C3orf70: variants seen among roughly 807,000 people sequenced by gnomAD.
C3orf70 encodes the protein UPF0524 protein C3orf70.
A neutral mutation model predicts 20.7 loss-of-function variants in C3orf70; 15 were observed. The observed-to-expected ratio is 0.72, with a 90% CI of 0.48 to 1.11. The LOEUF (loss-of-function observed/expected upper bound fraction) is 1.11. Among genes scored for constraint, C3orf70 ranks in the 50% most tolerant of loss-of-function variants. The pLI is 0.00. For synonymous variants in C3orf70, 161 were observed against 125.7 expected (o/e 1.28, Z -1.88); for missense variants, 332 against 317.6 (o/e 1.05, Z -0.34).
At position 185,140,802 on chromosome 3, in the gene C3orf70, A is replaced by G. The variant is rs954333819; in HGVS notation, c.196+11826T>C. Among the ~76,000 whole-genome samples, 6 of 150,876 alleles carry G rather than the reference A, an allele frequency of 4.0e-5. No homozygotes were observed. In the East Asian group the frequency reaches 7.8e-4, roughly 20 times the overall value. ...CGTCTCTACTAAAAAAAAAAAAAAAAAAGAAAAATACAAAAATTAGCCAGG... is the reference window on the plus strand; with the variant it reads ...CGTCTCTACTAAAAAAAAAAAAAAAGAAGAAAAATACAAAAATTAGCCAGG... On this transcript the variant is annotated intron_variant, in intron 1 of 1. Transcript: ENST00000335012.
At chr3:185,085,567 C>T (rs73885667) in intron 1 of C3orf70, among the ~76,000 whole-genome samples, 3,697 of 152,292 alleles carry the variant, frequency 0.024, 124 homozygotes, top group African/African-American at 0.084. Context: ...GCAAACCCCG[C>T]AGTCTGATAA....
chr3:185,083,562 G>A lies in C3orf70; in HGVS notation c.198C>T (p.Cys66=). 1 of 1,572,258 alleles carries A rather than the reference G, an allele frequency of 6.4e-7. No homozygotes were observed. Among genetic ancestry groups the A allele is most frequent in the Middle Eastern group, 1.7e-4 (1 of 5,860 alleles). The change falls in exon 2 of 2, where the codon TGC becomes TGT. Residue 66 remains cysteine, a splice_region_variant and synonymous_variant. Transcript: ENST00000335012. ...HWCCHLGWCH[C]KYMYQPMTPV... ...GGGTCATAGGCTGATACATGTATTTGCCTGTGAAGACACAAAAAGACACTT... is the reference window on the plus strand; with the variant it reads ...GGGTCATAGGCTGATACATGTATTTACCTGTGAAGACACAAAAAGACACTT...
chr3:185,091,113 G>A (rs1449346978), intron 1 of C3orf70, among the ~76,000 whole-genome samples: 1 of 152,094 alleles, frequency 6.6e-6, no homozygotes, highest in Non-Finnish European at 1.5e-5. Context: ...TTCTATAGGA[G>A]CTTTCAGATA....
intron 1 of C3orf70, among the ~76,000 whole-genome samples, chr3:185,083,829 CTA>C (rs1715405293): frequency 6.6e-6 from 1 of 152,164 alleles, no homozygotes; most frequent in African/African-American, 2.4e-5. Flanking sequence ...TGGATAGACA[CTA>C]TAATCCTTAT....
Position 185,083,302 on chromosome 3 carries a change from T to G in C3orf70, c.458A>C (p.His153Pro), listed in dbSNP as rs955820356. 3.7e-6 allele frequency: 6 copies of G among 1,614,094 alleles called. No homozygotes were observed. In the African/African-American group the frequency reaches 8.0e-5, roughly 22 times the overall value. ...MCYVQKQPAP[H>P]SHRMSPEEVS... ...CTCCTCAGGGCTCATTCTGTGGGAA[T>G]GTGGTGCCGGCTGCTTCTGCACATA... The change falls in exon 2 of 2, where the codon CAT becomes CCT. Residue 153 changes from histidine (H) to proline (P), a missense_variant. Physicochemically the swap from His to Pro is moderately conservative, Grantham distance 77 (BLOSUM62 -2). Transcript: ENST00000335012.
At chr3:185,090,398 G>C (rs1024590761) in intron 1 of C3orf70, among the ~76,000 whole-genome samples, 1 of 152,124 alleles carries the variant, frequency 6.6e-6, no homozygotes, top group Non-Finnish European at 1.5e-5. Flanking sequence ...AGCTCCTTTG[G>C]GGGGAAAATG....
At chr3:185,129,817 C>T (rs1222637891) in intron 1 of C3orf70, among the ~76,000 whole-genome samples, 1 of 152,176 alleles carries the variant, frequency 6.6e-6, no homozygotes, top group Admixed American at 6.5e-5. Context: ...CATGCTTATT[C>T]ATTTTGAATT....
intron 1 of C3orf70, among the ~76,000 whole-genome samples, chr3:185,091,354 CTG>C (rs1715566347): frequency 6.6e-6 from 1 of 152,062 alleles, no homozygotes; most frequent in African/African-American, 2.4e-5. Flanking sequence ...CTGAGGAAGA[CTG>C]AGGCTGGATG....
At chr3:185,094,327 T>C (rs1395066553) in intron 1 of C3orf70, among the ~76,000 whole-genome samples, 2 of 152,180 alleles carry the variant, frequency 1.3e-5, no homozygotes, top group African/African-American at 4.8e-5. Context: ...TCTGCCCACC[T>C]TGTCCTCCCA....
chr3:185,094,998 GAA>G (rs1715672652), intron 1 of C3orf70, among the ~76,000 whole-genome samples: 1 of 152,204 alleles, frequency 6.6e-6, no homozygotes, highest in South Asian at 2.1e-4. Context: ...GTGATGCGGG[GAA>G]AGAGGCATAA....
chr3:185,088,527 AT>A (rs34963623), intron 1 of C3orf70, among the ~76,000 whole-genome samples: 10,164 of 151,882 alleles, frequency 0.067, 481 homozygotes, highest in South Asian at 0.14. Context: ...TAAATCTATG[AT>A]TTTTTTTCAA....
intron 1 of C3orf70, among the ~76,000 whole-genome samples, chr3:185,129,223 C>A (rs1180220256): frequency 6.6e-6 from 1 of 152,126 alleles, no homozygotes; most frequent in Non-Finnish European, 1.5e-5. Flanking sequence ...ATCCTGGCCC[C>A]CCTCCGTCTG....
chr3:185,111,862 G>A (rs1716079290), intron 1 of C3orf70, among the ~76,000 whole-genome samples: 1 of 152,312 alleles, frequency 6.6e-6, no homozygotes, highest in Non-Finnish European at 1.5e-5. Flanking sequence ...CTAATGAAAT[G>A]TAATTATATT....
intron 1 of C3orf70, among the ~76,000 whole-genome samples, chr3:185,116,707 C>G (rs187766656): frequency 6.6e-6 from 1 of 152,238 alleles, no homozygotes; most frequent in Non-Finnish European, 1.5e-5. Context: ...GAAAAATGAC[C>G]TGTTGAAAAG....
rs80332844 is a variant in C3orf70, at chr3:185,122,190, G to A, written c.196+30438C>T. The stretch of plus-strand genomic sequence containing the variant: ...CTAGAGTGACTATATAAATATCAAA[G>A]TAGATGATTCCAGAACCAGTAATAT... On this transcript the variant is annotated intron_variant, in intron 1 of 1. Transcript: ENST00000335012. Among the ~76,000 whole-genome samples, 1,038 of 151,408 alleles carry A rather than the reference G, an allele frequency of 6.9e-3. 12 individuals carry two copies. Among genetic ancestry groups the A allele is most frequent in the African/African-American group, 0.024 (977 of 41,264 alleles).
Position 185,081,101 on chromosome 3 carries a change from C to T in C3orf70, c.*1906G>A, listed in dbSNP as rs1223531434. 3 of 152,058 alleles carry T rather than the reference C, an allele frequency of 2.0e-5. No homozygotes were observed. The highest frequency in any genetic ancestry group is 2.0e-4 in the Admixed American group (3 of 15,272). 9.4% of individuals were successfully genotyped at this position (152,058 alleles called of 1,614,324 possible). A position where few individuals can be genotyped will look rare whatever the true frequency, so the allele number is the denominator to read the frequency against. ...GTTTGTGAATGATGCCAAATGGAGG[C>T]TTCAGGGGAGAACACAACTTTTTCT... is the stretch of plus-strand genomic sequence containing the variant. On this transcript the variant is annotated 3_prime_UTR_variant, in exon 2 of 2. Coordinates refer to ENST00000335012, the MANE Select transcript of C3orf70 (RefSeq NM_001025266.3).
intron 1 of C3orf70, among the ~76,000 whole-genome samples, chr3:185,108,585 C>G: frequency 6.6e-6 from 1 of 152,338 alleles, no homozygotes; most frequent in Admixed American, 6.5e-5. Flanking sequence ...AATGGCCAAT[C>G]GCCTAGTTGC....
chr3:185,130,999 T>C (rs188270030), intron 1 of C3orf70, among the ~76,000 whole-genome samples: 33 of 152,354 alleles, frequency 2.2e-4, no homozygotes, highest in East Asian at 1.9e-4. Context: ...CTAAGTCATA[T>C]GGTAACCCTA....
At chr3:185,112,113 A>G (rs1716084692) in intron 1 of C3orf70, among the ~76,000 whole-genome samples, 1 of 152,102 alleles carries the variant, frequency 6.6e-6, no homozygotes, top group South Asian at 2.1e-4. Flanking sequence ...CAACATGGGG[A>G]AATCCTGTCT....
Sources: allele counts gnomAD v4.1 joint callset (sites outside exome capture counted in the v4.1 genomes callset), GRCh38; gene constraint gnomAD v4.1.1; transcripts MANE v1.5; gene names NCBI Gene and HGNC (gene_info 2026-07-23, HGNC 2026-07-21).